FAF1: variants seen among roughly 807,000 people sequenced by gnomAD.
FAF1 encodes FAS-associated factor 1.
In FAF1, 25 loss-of-function variants were observed where a neutral mutation model predicts 92.5. That is an observed-to-expected ratio of 0.27 (90% CI 0.20 to 0.38). FAF1 has a LOEUF of 0.38. FAF1 is among the 10% of genes least tolerant of loss of function. The pLI, the probability that FAF1 is intolerant of heterozygous loss-of-function variation, is 1.00. For missense variants in FAF1, 636 were observed against 793.3 expected (o/e 0.80, Z 2.38); for synonymous variants, 234 against 273.2 (o/e 0.86, Z 1.42).
In FAF1 at chr1:50,724,296, TACACACACAC is replaced by T. The variant is rs974347882; in HGVS notation, c.551+14557_551+14566del. Among the ~76,000 whole-genome samples, 136 of 117,198 alleles carry T rather than the reference TACACACACAC, an allele frequency of 1.2e-3. 2 individuals carry two copies. Among genetic ancestry groups the T allele is most frequent in the African/African-American group, 2.3e-3 (72 of 31,926 alleles). The allele number at this position is 117,198 out of a possible 152,430, so 76.9% of individuals were successfully genotyped here. A position where few individuals can be genotyped will look rare whatever the true frequency, so the allele number is the denominator to read the frequency against. ...ACATATACACACACACACACACACA[TACACACACAC>T]ACACACACACACACACACACACACC... On this transcript the variant is annotated intron_variant, in intron 6 of 18. Transcript: ENST00000396153.
At chr1:50,608,436 G>A (rs1301686508) in intron 8 of FAF1, among the ~76,000 whole-genome samples, 2 of 152,190 alleles carry the variant, frequency 1.3e-5, no homozygotes, top group African/African-American at 4.8e-5. Flanking sequence ...CAAATTCCTA[G>A]AGATCAAAAC....
Position 50,655,539 on chromosome 1 carries a change from A to C in FAF1, c.658-11T>G. 1 of 1,528,728 alleles carries C rather than the reference A, an allele frequency of 6.5e-7. No individual in the cohort carries two copies. Among genetic ancestry groups the C allele is most frequent in the Non-Finnish European group, 9.1e-7 (1 of 1,104,696 alleles). The allele number at this position is 1,528,728 out of a possible 1,614,324, so 94.7% of individuals were successfully genotyped here. The stretch of plus-strand genomic sequence containing the variant: ...CACATTTCTCTTTACCTATGAAAAG[A>C]AAGAAACAGGACAATTAAAATAGAA... On this transcript the variant is annotated splice_polypyrimidine_tract_variant and intron_variant, in intron 7 of 18. Transcript: ENST00000396153.
intron 4 of FAF1, among the ~76,000 whole-genome samples, chr1:50,777,639 A>G (rs1424165458): frequency 6.6e-6 from 1 of 152,192 alleles, no homozygotes; most frequent in Non-Finnish European, 1.5e-5. Context: ...TTGGACAATC[A>G]ATCTGAAATA....
intron 15 of FAF1, among the ~76,000 whole-genome samples, chr1:50,518,868 T>C (rs1647339916): frequency 6.6e-6 from 1 of 152,242 alleles, no homozygotes; most frequent in Admixed American, 6.5e-5. Flanking sequence ...TCAGAGTGGC[T>C]GAACCACTTT....
chr1:50,862,530 T>C (rs924433414), intron 1 of FAF1, among the ~76,000 whole-genome samples: 2 of 151,738 alleles, frequency 1.3e-5, no homozygotes, highest in Non-Finnish European at 2.9e-5. Context: ...ATAGAGTAAC[T>C]GCACCTCACA....
intron 1 of FAF1, among the ~76,000 whole-genome samples, chr1:50,950,024 A>G (rs1645202298): frequency 6.6e-6 from 1 of 151,888 alleles, no homozygotes; most frequent in Admixed American, 6.6e-5. Flanking sequence ...TTTTTTTTGT[A>G]GAGACACGAT....
chr1:50,709,140 C>T (rs749353651), intron 6 of FAF1, among the ~76,000 whole-genome samples: 1 of 152,168 alleles, frequency 6.6e-6, no homozygotes, highest in Non-Finnish European at 1.5e-5. Context: ...CTGACATCCC[C>T]TCATGTCAAA....
chr1:50,570,507 G>A (rs1650386856), intron 12 of FAF1, among the ~76,000 whole-genome samples: 1 of 151,980 alleles, frequency 6.6e-6, no homozygotes. Context: ...TGTTAAACAT[G>A]AGATGCCAGG....
intron 13 of FAF1, among the ~76,000 whole-genome samples, chr1:50,550,346 G>A (rs917509258): frequency 5.5e-5 from 6 of 109,098 alleles, no homozygotes; most frequent in African/African-American, 1.6e-4. Context: ...GTGAGACTCC[G>A]TCTTTAAAAA....
intron 18 of FAF1, among the ~76,000 whole-genome samples, chr1:50,442,276 A>G (rs1457758286): frequency 6.6e-6 from 1 of 152,130 alleles, no homozygotes; most frequent in Non-Finnish European, 1.5e-5. Flanking sequence ...TTTCCTGTTT[A>G]TCAAAAGAGG....
chr1:50,779,464 C>T (rs1661082345), intron 4 of FAF1, among the ~76,000 whole-genome samples: 1 of 152,148 alleles, frequency 6.6e-6, no homozygotes, highest in Non-Finnish European at 1.5e-5. Flanking sequence ...TTTGAAATTA[C>T]TCCATGATCC....
rs1479487705 is a variant in FAF1 at position 50,785,076 on chromosome 1, C to T, written c.367+2924G>A. 2.8e-5 allele frequency among the ~76,000 whole-genome samples: 4 copies of T among 140,702 alleles called. No homozygotes were observed. In the East Asian group the frequency reaches 6.1e-4, roughly 22 times the overall value. The allele number at this position is 140,702 out of a possible 152,430, so 92.3% of individuals were successfully genotyped here. Reference sequence around the variant, plus strand: ...CATAAACATAAGACTTGAAACTATACGAGCAAAGACCTTGCTACTGTCCTC... The same window carrying T: ...CATAAACATAAGACTTGAAACTATATGAGCAAAGACCTTGCTACTGTCCTC... On this transcript the variant is annotated intron_variant, in intron 4 of 18. Coordinates refer to ENST00000396153, the MANE Select transcript of FAF1 (RefSeq NM_007051.3).
chr1:50,555,974 T>C (rs1466517776), intron 13 of FAF1, among the ~76,000 whole-genome samples: 1 of 151,750 alleles, frequency 6.6e-6, no homozygotes, highest in African/African-American at 2.4e-5. Flanking sequence ...GTGTATATAT[T>C]ATATATATGG....
chr1:50,820,856 T>TGA (rs1644037101), intron 2 of FAF1, among the ~76,000 whole-genome samples: 1 of 152,320 alleles, frequency 6.6e-6, no homozygotes, highest in East Asian at 1.9e-4. Flanking sequence ...AATGTGTGTG[T>TGA]GTGTGTGTGT....
intron 8 of FAF1, among the ~76,000 whole-genome samples, chr1:50,640,884 A>T (rs948825397): frequency 4.2e-5 from 5 of 119,638 alleles, no homozygotes; most frequent in African/African-American, 1.6e-4. Context: ...GCCAGGCTGG[A>T]GTGCAGTGGC....
intron 3 of FAF1, among the ~76,000 whole-genome samples, chr1:50,795,978 C>G (rs1569961631): frequency 6.6e-6 from 1 of 151,232 alleles, no homozygotes; most frequent in Non-Finnish European, 1.5e-5. Context: ...TACAACTAAT[C>G]AAAAAGCAGG....
At chr1:50,929,573 C>G (rs1418473755) in intron 1 of FAF1, among the ~76,000 whole-genome samples, 2 of 152,176 alleles carry the variant, frequency 1.3e-5, no homozygotes, top group Non-Finnish European at 2.9e-5. Flanking sequence ...TTTCTATCCA[C>G]AAGAGGGAGC....
chr1:50,824,591 A>G (rs1644076369), intron 2 of FAF1, among the ~76,000 whole-genome samples: 1 of 152,172 alleles, frequency 6.6e-6, no homozygotes, highest in African/African-American at 2.4e-5. Flanking sequence ...GATTTACTGT[A>G]TGATGTAGCA....
chr1:50,450,757 T>TA (rs1470614392), intron 18 of FAF1, among the ~76,000 whole-genome samples: 2 of 152,122 alleles, frequency 1.3e-5, no homozygotes, highest in Non-Finnish European at 2.9e-5. Flanking sequence ...AGTCAGGGTA[T>TA]AAAAAAATCT....
Sources: allele counts gnomAD v4.1 joint callset (sites outside exome capture counted in the v4.1 genomes callset), GRCh38; gene constraint gnomAD v4.1.1; transcripts MANE v1.5; gene names NCBI Gene and HGNC (gene_info 2026-07-23, HGNC 2026-07-21).